Variants in WNK1 observed in about 807,000 individuals in gnomAD.
WNK1 encodes serine/threonine-protein kinase WNK1.
WNK1 carries 38 observed loss-of-function variants against 222.8 expected under a neutral mutation model. The observed-to-expected ratio is 0.17, with a 90% confidence interval of 0.13 to 0.22. The LOEUF (loss-of-function observed/expected upper bound fraction) is 0.22. WNK1 is among the 10% of genes least tolerant of loss of function. The pLI is 1.00. For synonymous variants in WNK1, 1,090 were observed against 1,092.9 expected, an observed-to-expected ratio of 1.00 and a Z score of 0.05; for missense variants, 2,348 against 2,918.4, an observed-to-expected ratio of 0.80 and a Z score of 4.50.
chr12:847,139 T>C (rs1273898499), intron 4 of WNK1, among the ~76,000 whole-genome samples: 1 of 152,190 alleles, frequency 6.6e-6, no homozygotes, highest in Non-Finnish European at 1.5e-5. Flanking sequence ...ATAATAATTA[T>C]TAAATCATTA....
intron 4 of WNK1, chr12:851,447 A>G (rs1014928025): frequency 3.5e-6 from 4 of 1,131,694 alleles, no homozygotes; most frequent in East Asian, 6.1e-5. Context: ...GAGAAGCAGA[A>G]GGAATATTAA....
intron 1 of WNK1, among the ~76,000 whole-genome samples, chr12:785,082 G>A (rs1944133961): frequency 6.6e-6 from 1 of 151,956 alleles, no homozygotes; most frequent in Admixed American, 6.6e-5. Flanking sequence ...TTTTCTTCTA[G>A]CTTCCAGTAT....
chr12:845,494 G>A (rs1412552340), intron 4 of WNK1, among the ~76,000 whole-genome samples: 1 of 152,174 alleles, frequency 6.6e-6, no homozygotes, highest in African/African-American at 2.4e-5. Context: ...AGGATACAAA[G>A]AAGAGTTTGT....
chr12:818,178 T>C (rs1427622710), intron 2 of WNK1, among the ~76,000 whole-genome samples: 1 of 152,226 alleles, frequency 6.6e-6, no homozygotes, highest in Non-Finnish European at 1.5e-5. Context: ...ACTCTGCATT[T>C]CCCTTCCTCC....
At position 862,106 on chromosome 12, in the gene WNK1, C is replaced by G; in HGVS notation, c.1975C>G (p.Gln659Glu). Residue 659 changes from glutamine to glutamate, a missense_variant, in exon 8 of 28, where the codon CAG (glutamine) becomes GAG (glutamate). By Grantham distance (29) the Gln-to-Glu change is conservative. This residue lies in a region of WNK1 where 547 missense variants were observed against 558.3 expected (regional missense o/e 0.98). Transcript: ENST00000315939. ...VLSDGTVDSG[Q>E]GSSVFTESRV... Reference sequence around the variant, plus strand: ...AGCTGATGGGACGGTTGACAGTGGTCAGGGATCCTCTGTCTTCACAGAATC... The same window carrying G: ...AGCTGATGGGACGGTTGACAGTGGTGAGGGATCCTCTGTCTTCACAGAATC... The G allele has an allele frequency of 6.2e-7, 1 of 1,613,830 alleles. No homozygotes were observed. The highest frequency in any genetic ancestry group is 1.3e-5 in the African/African-American group (1 of 74,924).
chr12:891,602 C>CTTTTTTTTT (rs71441624), intron 22 of WNK1, among the ~76,000 whole-genome samples: 17 of 125,934 alleles, frequency 1.3e-4, no homozygotes, highest in South Asian at 2.5e-4. Context: ...GATTTTTTTT[C>CTTTTTTTTT]TTTTTTTTTT....
chr12:856,913 A>C (rs1008378390), intron 4 of WNK1, among the ~76,000 whole-genome samples: 2 of 152,236 alleles, frequency 1.3e-5, no homozygotes, highest in African/African-American at 4.8e-5. Flanking sequence ...AGATATTAAC[A>C]TCTGCCTAAA....
At position 911,422 on chromosome 12, in the gene WNK1, C is replaced by T. The variant is rs1473140758; in HGVS notation, c.*2630C>T. 2.5e-6 allele frequency: 1 copy of T among 398,428 alleles called. No homozygotes were observed. Among genetic ancestry groups the T allele is most frequent in the Non-Finnish European group, 4.4e-6 (1 of 226,058 alleles). The allele number at this position is 398,428 out of a possible 1,614,324, so 24.7% of individuals were successfully genotyped here. A position where few individuals can be genotyped will look rare whatever the true frequency, so the allele number is the denominator to read the frequency against. ...CCTTTGTAGACTTATTTAATGAAACCATTCAAATAAACCAAACTTGCTTTT... is the reference window on the plus strand; with the variant it reads ...CCTTTGTAGACTTATTTAATGAAACTATTCAAATAAACCAAACTTGCTTTT... On this transcript the variant is annotated 3_prime_UTR_variant, in exon 28 of 28. Transcript: ENST00000315939.
At chr12:863,133 G>A (rs1951346947) in intron 8 of WNK1, among the ~76,000 whole-genome samples, 1 of 152,158 alleles carries the variant, frequency 6.6e-6, no homozygotes, top group South Asian at 2.1e-4. Flanking sequence ...TGTTTAGTGA[G>A]ATCTTTAAGC....
intron 9 of WNK1, among the ~76,000 whole-genome samples, chr12:877,650 A>G (rs771302675): frequency 1.3e-5 from 2 of 152,230 alleles, no homozygotes; most frequent in Non-Finnish European, 2.9e-5. Flanking sequence ...AAGCAATCTA[A>G]GGCATTAACA....
chr12:796,384 G>A (rs900016738), intron 1 of WNK1, among the ~76,000 whole-genome samples: 3 of 152,126 alleles, frequency 2.0e-5, no homozygotes, highest in Admixed American at 2.0e-4. Flanking sequence ...AGGCAGAGGA[G>A]TAGGAAACAC....
intron 2 of WNK1, among the ~76,000 whole-genome samples, chr12:821,105 C>T (rs1453325737): frequency 2.5e-4 from 31 of 121,674 alleles, no homozygotes; most frequent in Middle Eastern, 6.0e-3. Context: ...TCTTCTGCAT[C>T]AAGTTAGATA....
In WNK1 at chr12:900,546, C is replaced by G. The variant is rs764413719; in HGVS notation, c.6519C>G (p.Ile2173Met). The G allele has an allele frequency of 6.2e-7, 1 of 1,614,108 alleles. No homozygotes were observed. Among genetic ancestry groups the G allele is most frequent in the Non-Finnish European group, 8.5e-7 (1 of 1,180,040 alleles). The change falls in exon 26 of 28, where the codon ATC (isoleucine) becomes ATG (methionine). Residue 2173 changes from isoleucine to methionine, a missense_variant. This residue lies in a region of WNK1 where 1,144 missense variants were observed against 1,273.6 expected (regional missense o/e 0.90). Coordinates refer to ENST00000315939, the MANE Select transcript of WNK1 (RefSeq NM_018979.4). ...AGACCCTCCACCCTCCTGGCAACAT[C>G]CCAGAGTCCGGGCAGAATCAGCTGT... ...PQQTLHPPGN[I>M]PESGQNQLLQ...
chr12:890,565 G>C (rs1954126135), intron 22 of WNK1, 52 bp downstream of exon 22: 1 of 1,595,882 alleles, frequency 6.3e-7, no homozygotes, highest in Non-Finnish European at 8.6e-7. Flanking sequence ...CCTACCCGTA[G>C]TTGATTCAGG....
intron 4 of WNK1, among the ~76,000 whole-genome samples, chr12:856,580 A>G (rs1045179213): frequency 1.3e-5 from 2 of 152,210 alleles, no homozygotes; most frequent in Non-Finnish European, 2.9e-5. Context: ...GATTAATTGC[A>G]GAGCTTGTCT....
chr12:829,910 T>C (rs1406626024), intron 3 of WNK1, 93 bp from the exon 4 acceptor site: 1 of 1,372,132 alleles, frequency 7.3e-7, no homozygotes, highest in Non-Finnish European at 1.0e-6. Context: ...CAATTTCTTC[T>C]CTCTCACAGG....
intron 1 of WNK1, among the ~76,000 whole-genome samples, chr12:810,269 A>G (rs912539212): frequency 6.6e-6 from 1 of 151,978 alleles, no homozygotes; most frequent in Non-Finnish European, 1.5e-5. Flanking sequence ...GGTGAAATAG[A>G]TGCCCATGTC....
In WNK1 at chr12:752,887, G is replaced by C. The variant is rs1001467964; in HGVS notation, c.-679G>C. 6.6e-6 allele frequency: 1 copy of C among 152,198 alleles called. No homozygotes were observed. Among genetic ancestry groups the C allele is most frequent in the East Asian group, 1.9e-4 (1 of 5,184 alleles). The allele number at this position is 152,198 out of a possible 1,614,324, so 9.4% of individuals were successfully genotyped here. ...GCGGGCGGGGAGGCCTCGGGGAAGG[G>C]GGGGCCCGCTCCTCAGGCGCCGAGG... On this transcript the variant is annotated 5_prime_UTR_variant, in exon 1 of 28. Coordinates refer to ENST00000315939, the MANE Select transcript of WNK1 (RefSeq NM_018979.4).
chr12:754,833 C>T (rs994826221), intron 1 of WNK1, among the ~76,000 whole-genome samples: 1 of 152,130 alleles, frequency 6.6e-6, no homozygotes, highest in African/African-American at 2.4e-5. Context: ...TAAAAAAAGA[C>T]TCTTCTCTGC....
Sources: allele counts gnomAD v4.1 joint callset (sites outside exome capture counted in the v4.1 genomes callset), GRCh38; gene constraint gnomAD v4.1.1; regional missense constraint gnomAD v4.1.1; transcripts MANE v1.5; gene names NCBI Gene and HGNC (gene_info 2026-07-23, HGNC 2026-07-21).